Variants in RILPL1 observed in about 807,000 individuals in gnomAD.
RILPL1 encodes the protein Rab interacting lysosomal protein like 1, also known as RILP-like protein 1.
A neutral mutation model predicts 50.3 loss-of-function variants in RILPL1; 33 were observed. That is an observed-to-expected ratio of 0.66 (90% CI 0.50 to 0.88). The LOEUF is 0.88. Among genes scored for constraint, RILPL1 ranks in the 40% least tolerant of loss-of-function variants. The pLI is 0.00. For missense variants in RILPL1, 418 were observed against 542.5 expected, an observed-to-expected ratio of 0.77 and a Z score of 2.28; for synonymous variants, 205 against 228.6, an observed-to-expected ratio of 0.90 and a Z score of 0.93.
chr12:123,503,331 T>A (rs977509944), intron 2 of RILPL1, among the ~76,000 whole-genome samples: 1 of 150,502 alleles, frequency 6.6e-6, no homozygotes, highest in African/African-American at 2.4e-5. Context: ...CTCCCAAGTA[T>A]CTGGGATTAC....
At position 123,491,359 on chromosome 12, in the gene RILPL1, C is replaced by A. The variant is rs1882679424; in HGVS notation, c.802-5554G>T. ...CAGCTTCAGAGCGATACCCTGAGGC[C>A]TCAGCTGCTTCCCAGGAAGGCCCAA... On this transcript the variant is annotated intron_variant, in intron 4 of 6. Coordinates refer to ENST00000376874, the MANE Select transcript of RILPL1 (RefSeq NM_178314.5). This position sits in a 1 kb window ranked among gnomAD's most constrained non-coding sequence, Gnocchi z 4.0. Among the ~76,000 whole-genome samples the A allele has an allele frequency of 6.6e-6, 1 of 152,210 alleles. No homozygotes were observed. Among genetic ancestry groups the A allele is most frequent in the Non-Finnish European group, 1.5e-5 (1 of 68,032 alleles).
intron 2 of RILPL1, among the ~76,000 whole-genome samples, chr12:123,512,876 C>CTG (rs143209721): frequency 4.6e-4 from 51 of 109,848 alleles, no homozygotes; most frequent in South Asian, 1.2e-3. Flanking sequence ...TGTGTGAGGT[C>CTG]TGTGTGTGTG....
intron 4 of RILPL1, among the ~76,000 whole-genome samples, chr12:123,490,973 C>T (rs1277134530): frequency 1.3e-5 from 2 of 152,138 alleles, no homozygotes; most frequent in Non-Finnish European, 2.9e-5. Flanking sequence ...TGGTCTTAAA[C>T]TCCTGACCTC....
At position 123,475,341 on chromosome 12, in the gene RILPL1, C is replaced by T. The variant is rs149413553; in HGVS notation, c.1068-2659G>A. ...CATAGGGTTAGTGTCACTCGGGGAC[C>T]GCAGTGGGCGTTGATTACTGACCCG... On this transcript the variant is annotated intron_variant, in intron 6 of 6. Coordinates refer to ENST00000376874, the MANE Select transcript of RILPL1 (RefSeq NM_178314.5). 1,357 of 348,326 alleles carry T rather than the reference C, an allele frequency of 3.9e-3. 4 individuals are homozygous for T. The highest frequency in any genetic ancestry group is 5.9e-3 in the Non-Finnish European group (1,082 of 182,148). 21.6% of individuals were successfully genotyped at this position (348,326 alleles called of 1,614,324 possible). A position where few individuals can be genotyped will look rare whatever the true frequency, so the allele number is the denominator to read the frequency against.
intron 2 of RILPL1, among the ~76,000 whole-genome samples, chr12:123,507,871 G>A (rs1451694243): frequency 6.6e-6 from 1 of 150,848 alleles, no homozygotes; most frequent in Non-Finnish European, 1.5e-5. Context: ...AACCCGGGAG[G>A]TGGAAGTTGC....
chr12:123,500,296 T>G (rs1411111853), intron 2 of RILPL1, among the ~76,000 whole-genome samples: 26 of 146,582 alleles, frequency 1.8e-4, no homozygotes, highest in Non-Finnish European at 3.2e-4. Flanking sequence ...TTTTTTTTTT[T>G]TTTTTGAGAC....
intron 4 of RILPL1, among the ~76,000 whole-genome samples, chr12:123,495,677 G>GTTT (rs33979230): frequency 5.8e-5 from 6 of 103,404 alleles, no homozygotes; most frequent in Admixed American, 1.1e-4. Flanking sequence ...CCTGGCCCCA[G>GTTT]TTTTTTTTTT....
chr12:123,523,435 A>C, intron 2 of RILPL1, 60 bp downstream of exon 2: 4 of 1,602,452 alleles, frequency 2.5e-6, no homozygotes, highest in Non-Finnish European at 2.6e-6. Context: ...ACAATCGCTG[A>C]TGTGGGCAAT....
intron 1 of RILPL1, among the ~76,000 whole-genome samples, chr12:123,530,510 T>C (rs1388526276): frequency 1.3e-5 from 2 of 152,168 alleles, no homozygotes; most frequent in Non-Finnish European, 2.9e-5. Context: ...GCATAATATT[T>C]CTATGGTATA....
At chr12:123,508,407 A>C in intron 2 of RILPL1, among the ~76,000 whole-genome samples, 1 of 152,116 alleles carries the variant, frequency 6.6e-6, no homozygotes, top group Non-Finnish European at 1.5e-5. Context: ...AAAAACAAAA[A>C]ACAAAAAACA....
rs1882673436 is a variant in RILPL1 at position 123,491,258 on chromosome 12, G to A, written c.802-5453C>T. 6.6e-6 allele frequency among the ~76,000 whole-genome samples: 1 copy of A among 152,204 alleles called. No homozygotes were observed. The highest frequency in any genetic ancestry group is 6.5e-5 in the Admixed American group (1 of 15,274). On this transcript the variant is annotated intron_variant, in intron 4 of 6. Coordinates refer to ENST00000376874, the MANE Select transcript of RILPL1 (RefSeq NM_178314.5). This position sits in a 1 kb window ranked among gnomAD's most constrained non-coding sequence, Gnocchi z 4.0. ...CTAGGCTTACTCCATGCGGGACCGG[G>A]AGGTGGCTCGGGTTAGCTGAGATAA...
intron 1 of RILPL1, among the ~76,000 whole-genome samples, chr12:123,527,463 A>G (rs1885301488): frequency 6.6e-6 from 1 of 151,706 alleles, no homozygotes; most frequent in East Asian, 1.9e-4. Flanking sequence ...ACACAGCAAA[A>G]CTCTGTCTAC....
chr12:123,520,368 G>A (rs1192602546), intron 2 of RILPL1, among the ~76,000 whole-genome samples: 6 of 152,194 alleles, frequency 3.9e-5, no homozygotes, highest in Admixed American at 3.3e-4. Flanking sequence ...AGGCCAGCCT[G>A]GCCAACATGG....
At chr12:123,476,002 C>G (rs1437298815) in intron 6 of RILPL1, 1 of 403,704 alleles carries the variant, frequency 2.5e-6, no homozygotes, top group Non-Finnish European at 4.6e-6. Flanking sequence ...CTCCCGGGTT[C>G]AAGCGATTCT....
intron 2 of RILPL1, 50 bp from the exon 3 acceptor site, chr12:123,499,586 G>T (rs1385747960): frequency 1.8e-5 from 24 of 1,363,742 alleles, no homozygotes; most frequent in Non-Finnish European, 2.4e-5. Context: ...CTCCTATGTT[G>T]AAATCATCCA....
chr12:123,504,224 C>T (rs1461716651), intron 2 of RILPL1, among the ~76,000 whole-genome samples: 1 of 152,126 alleles, frequency 6.6e-6, no homozygotes, highest in African/African-American at 2.4e-5. Flanking sequence ...GGGGAAACGT[C>T]CCTCCTTAGC....
chr12:123,473,856 C>T (rs1163786024), intron 6 of RILPL1: 1 of 150,300 alleles, frequency 6.7e-6, no homozygotes, highest in Non-Finnish European at 1.5e-5. Flanking sequence ...AAAAAAAAGT[C>T]ACAAGCAAAA....
chr12:123,503,349 T>G (rs1054201662), intron 2 of RILPL1, among the ~76,000 whole-genome samples: 4 of 151,734 alleles, frequency 2.6e-5, no homozygotes, highest in African/African-American at 9.7e-5. Context: ...TACAGGCACC[T>G]GCCACAACCT....
rs376558825 is a variant in RILPL1, at chr12:123,470,788, AAGAG to A, written c.*1746_*1749del. 8.5e-5 allele frequency: 13 copies of A among 152,262 alleles called. No homozygotes were observed. Among genetic ancestry groups the A allele is most frequent in the African/African-American group, 3.1e-4 (13 of 41,546 alleles). The allele number at this position is 152,262 out of a possible 1,614,324, so 9.4% of individuals were successfully genotyped here. Reference sequence around the variant, plus strand: ...AATAGAGCAAGACTATCTCAAAAAAAAGAGAGACATTTAGTGTTTAGGAAAGATA... The same window carrying A: ...AATAGAGCAAGACTATCTCAAAAAAAAGACATTTAGTGTTTAGGAAAGATA... On this transcript the variant is annotated 3_prime_UTR_variant, in exon 7 of 7. Transcript: ENST00000376874.
Sources: allele counts gnomAD v4.1 joint callset (sites outside exome capture counted in the v4.1 genomes callset), GRCh38; gene constraint gnomAD v4.1.1; non-coding constraint Gnocchi (gnomAD v3.1); transcripts MANE v1.5; gene names NCBI Gene and HGNC (gene_info 2026-07-23, HGNC 2026-07-21).